Variants in CLEC16A observed in about 807,000 individuals in gnomAD.
CLEC16A encodes the protein protein CLEC16A.
Under a neutral mutation model 109.5 loss-of-function variants are expected in CLEC16A, and 51 were observed. The observed-to-expected ratio is 0.47, with a 90% CI of 0.37 to 0.59. The LOEUF (loss-of-function observed/expected upper bound fraction) is 0.59, where lower values mean the gene tolerates loss of function less well. Among genes scored for constraint, CLEC16A ranks in the 20% least tolerant of loss-of-function variants. The probability of loss-of-function intolerance (pLI) is 0.00; values close to 1 mark genes in which losing one functional copy is unlikely to be tolerated. For missense variants in CLEC16A, 1,339 were observed against 1,394.0 expected (o/e 0.96, Z 0.63); for synonymous variants, 673 against 564.2 (o/e 1.19, Z -2.73).
chr16:11,089,825 A>G (rs2050205638), intron 19 of CLEC16A, among the ~76,000 whole-genome samples: 1 of 152,198 alleles, frequency 6.6e-6, no homozygotes, highest in African/African-American at 2.4e-5. Context: ...TGGCCCACCC[A>G]GCCACCGCCA....
chr16:11,014,953 TACTC>T (rs1339963035), intron 11 of CLEC16A, among the ~76,000 whole-genome samples: 152 of 152,304 alleles, frequency 1.0e-3, no homozygotes, highest in African/African-American at 3.5e-3. Context: ...CTAAAGATGA[TACTC>T]ACTTTAGAGC....
intron 19 of CLEC16A, among the ~76,000 whole-genome samples, chr16:11,097,299 A>G (rs903672883): frequency 1.3e-5 from 2 of 152,192 alleles, no homozygotes; most frequent in African/African-American, 2.4e-5. Context: ...AACTGTGAGT[A>G]AATGCCTCAC....
chr16:11,168,051 G>A (rs572385557), intron 23 of CLEC16A, among the ~76,000 whole-genome samples: 3 of 152,318 alleles, frequency 2.0e-5, no homozygotes, highest in African/African-American at 7.2e-5. Context: ...TTTTAAGGAC[G>A]TACAGCCAAC....
chr16:11,011,898 C>T (rs567519625), intron 11 of CLEC16A, among the ~76,000 whole-genome samples: 2 of 151,982 alleles, frequency 1.3e-5, no homozygotes, highest in African/African-American at 2.4e-5. Flanking sequence ...AGCCCTGACT[C>T]CTAACAACGT....
At chr16:10,968,601 C>G (rs1167473402) in intron 3 of CLEC16A, among the ~76,000 whole-genome samples, 2 of 152,148 alleles carry the variant, frequency 1.3e-5, no homozygotes, top group African/African-American at 4.8e-5. Context: ...TTTTGCTCAT[C>G]TGCAAAATGG....
chr16:11,059,690 T>A (rs984376721), intron 18 of CLEC16A, among the ~76,000 whole-genome samples: 1 of 152,190 alleles, frequency 6.6e-6, no homozygotes, highest in African/African-American at 2.4e-5. Flanking sequence ...CGCACTGGGA[T>A]TCGCCTTTGC....
chr16:10,958,768 G>A (rs1425945183), intron 2 of CLEC16A, among the ~76,000 whole-genome samples: 1 of 152,122 alleles, frequency 6.6e-6, no homozygotes, highest in Non-Finnish European at 1.5e-5. Context: ...GTCATGCATG[G>A]TTGTGTGTGC....
At chr16:10,971,595 A>AG (rs2042790100) in intron 5 of CLEC16A, 1 of 901,256 alleles carries the variant, frequency 1.1e-6, no homozygotes, top group Admixed American at 6.2e-5. Context: ...AATACAGCTA[A>AG]GGGGTAATTT....
chr16:11,056,940 T>C (rs1478231514), intron 18 of CLEC16A: 1 of 152,258 alleles, frequency 6.6e-6, no homozygotes, highest in South Asian at 2.1e-4. Context: ...TCATTTCTTA[T>C]GGCCTCATAA....
intron 19 of CLEC16A, among the ~76,000 whole-genome samples, chr16:11,119,875 C>T (rs2052270684): frequency 1.3e-5 from 2 of 152,158 alleles, no homozygotes; most frequent in South Asian, 4.1e-4. Context: ...TTCTTCTGAT[C>T]CATGAGCGTT....
chr16:10,999,454 T>C (rs1485367724), intron 10 of CLEC16A, among the ~76,000 whole-genome samples: 2 of 152,208 alleles, frequency 1.3e-5, no homozygotes, highest in East Asian at 3.8e-4. Context: ...GGGACCCTAC[T>C]GCCTACTCCC....
intron 22 of CLEC16A, among the ~76,000 whole-genome samples, chr16:11,160,303 C>T (rs1024109978): frequency 1.3e-5 from 2 of 152,260 alleles, no homozygotes; most frequent in East Asian, 3.9e-4. Flanking sequence ...CACATCCAAG[C>T]CCTTCCCACC....
At chr16:11,110,280 C>T (rs915658942) in intron 19 of CLEC16A, among the ~76,000 whole-genome samples, 11 of 152,196 alleles carry the variant, frequency 7.2e-5, no homozygotes, top group African/African-American at 2.4e-4. Context: ...CTGGTCAGGA[C>T]CCCTTGTTTT....
intron 19 of CLEC16A, among the ~76,000 whole-genome samples, chr16:11,076,156 T>C (rs1246832642): frequency 3.3e-5 from 5 of 152,206 alleles, no homozygotes; most frequent in Non-Finnish European, 4.4e-5. Flanking sequence ...TCCTTTTAAA[T>C]AGACGTCAGA....
intron 10 of CLEC16A, among the ~76,000 whole-genome samples, chr16:10,989,366 A>C: frequency 6.6e-6 from 1 of 152,128 alleles, no homozygotes. Flanking sequence ...GACTAAAGGC[A>C]CATGCCACCA....
At chr16:11,099,678 T>TG (rs1349853050) in intron 19 of CLEC16A, among the ~76,000 whole-genome samples, 1 of 152,176 alleles carries the variant, frequency 6.6e-6, no homozygotes, top group East Asian at 1.9e-4. Context: ...TCAACTCTGC[T>TG]GGGGCCCAGG....
intron 13 of CLEC16A, among the ~76,000 whole-genome samples, chr16:11,032,245 T>C (rs1017415073): frequency 6.6e-6 from 1 of 152,092 alleles, no homozygotes; most frequent in African/African-American, 2.4e-5. Context: ...AGGCAGCGGG[T>C]GCCCCAAGAG....
intron 19 of CLEC16A, among the ~76,000 whole-genome samples, chr16:11,093,124 C>T (rs79843902): frequency 2.3e-4 from 35 of 152,222 alleles, no homozygotes; most frequent in Non-Finnish European, 3.2e-4. Flanking sequence ...CCTTTGCACC[C>T]CCTTCTCATG....
chr16:11,082,563 G>C (rs1266446734), intron 19 of CLEC16A, among the ~76,000 whole-genome samples: 1 of 152,156 alleles, frequency 6.6e-6, no homozygotes, highest in African/African-American at 2.4e-5. Flanking sequence ...GGGAATGAGT[G>C]GTGTGTAAAG....
Sources: gnomAD v4.1 joint callset for allele counts (sites outside exome capture counted in the v4.1 genomes callset) on GRCh38, gnomAD v4.1.1 for gene constraint, MANE v1.5 for transcripts, NCBI Gene and HGNC (gene_info 2026-07-23, HGNC 2026-07-21) for gene names.